THSD7B: variants seen among roughly 807,000 people sequenced by gnomAD.
The protein encoded by THSD7B is thrombospondin type 1 domain containing 7B, also known as thrombospondin type-1 domain-containing protein 7B.
THSD7B carries 138 observed loss-of-function variants against 213.6 expected under a neutral mutation model. That is an observed-to-expected ratio of 0.65 (90% CI 0.56 to 0.74). THSD7B has a LOEUF of 0.74. Ranked by LOEUF, THSD7B falls within the 30% of genes least tolerant of loss-of-function variation. THSD7B has a pLI of 0.00. For missense variants in THSD7B, 1,931 were observed against 1,991.5 expected, an observed-to-expected ratio of 0.97 and a Z score of 0.58; for synonymous variants, 742 against 687.0, an observed-to-expected ratio of 1.08 and a Z score of -1.25.
intron 17 of THSD7B, among the ~76,000 whole-genome samples, chr2:137,598,373 A>T (rs1475459525): frequency 6.6e-6 from 1 of 152,190 alleles, no homozygotes; most frequent in Non-Finnish European, 1.5e-5. Flanking sequence ...AAATTTTAGC[A>T]AGGAAAGTAG....
intron 17 of THSD7B, among the ~76,000 whole-genome samples, chr2:137,578,634 C>A (rs1681511786): frequency 6.6e-6 from 1 of 152,180 alleles, no homozygotes; most frequent in Admixed American, 6.5e-5. Context: ...AAACATACTT[C>A]AACACATTCG....
At chr2:137,523,802 C>T (rs190812415) in intron 15 of THSD7B, among the ~76,000 whole-genome samples, 3 of 152,192 alleles carry the variant, frequency 2.0e-5, no homozygotes, top group East Asian at 1.9e-4. Flanking sequence ...CTTTTTTAAG[C>T]TCTGGGATGG....
At chr2:137,292,953 A>G (rs1683370992) in intron 12 of THSD7B, among the ~76,000 whole-genome samples, 1 of 151,932 alleles carries the variant, frequency 6.6e-6, no homozygotes, top group South Asian at 2.1e-4. Context: ...TTTCTTCTTT[A>G]GTTTGTGGAA....
intron 17 of THSD7B, among the ~76,000 whole-genome samples, chr2:137,574,765 A>T (rs1475754358): frequency 6.6e-6 from 1 of 152,122 alleles, no homozygotes; most frequent in Non-Finnish European, 1.5e-5. Context: ...AGATCTTAGC[A>T]TAATGTCCCG....
rs569790300 is a variant in THSD7B at position 137,444,611 on chromosome 2, A to T, written c.2960-6234A>T. On this transcript the variant is annotated intron_variant, in intron 14 of 27. Coordinates refer to ENST00000409968, the MANE Select transcript of THSD7B (RefSeq NM_001316349.2). Reference sequence around the variant, plus strand: ...ACTAGACCTCTATCCCTCACCATTTACAAAAATCAAATCAATTAAAGACTT... The same window carrying T: ...ACTAGACCTCTATCCCTCACCATTTTCAAAAATCAAATCAATTAAAGACTT... Among the ~76,000 whole-genome samples the T allele has an allele frequency of 8.2e-4, 125 of 152,156 alleles. 1 individual carries two copies. Among genetic ancestry groups the T allele is most frequent in the African/African-American group, 3.0e-3 (124 of 41,556 alleles).
chr2:137,302,311 C>T (rs768753180), intron 12 of THSD7B, among the ~76,000 whole-genome samples: 6 of 152,022 alleles, frequency 3.9e-5, no homozygotes. Context: ...GAGAAGATGC[C>T]AGTGGTGCAT....
At chr2:137,287,927 G>A (rs1683223452) in intron 12 of THSD7B, among the ~76,000 whole-genome samples, 1 of 152,060 alleles carries the variant, frequency 6.6e-6, no homozygotes. Flanking sequence ...TGCAAACTGT[G>A]TAAATGTAAT....
chr2:136,770,087 T>A (rs1373592214), intron 1 of THSD7B, among the ~76,000 whole-genome samples: 1 of 152,352 alleles, frequency 6.6e-6, no homozygotes, highest in South Asian at 2.1e-4. Flanking sequence ...CCTAGTGTTA[T>A]GTTAGCGAAC....
chr2:137,232,812 T>G, intron 8 of THSD7B, 87 bp from the exon 9 acceptor site: 3 of 1,251,140 alleles, frequency 2.4e-6, no homozygotes, highest in Non-Finnish European at 3.4e-6. Context: ...TCAGCAAAGC[T>G]GTCTCTCTAG....
chr2:137,549,957 G>T (rs998869202), intron 15 of THSD7B, among the ~76,000 whole-genome samples: 1 of 151,944 alleles, frequency 6.6e-6, no homozygotes, highest in Non-Finnish European at 1.5e-5. Flanking sequence ...ACTACAATCT[G>T]TTCTATGAAA....
intron 14 of THSD7B, among the ~76,000 whole-genome samples, chr2:137,424,867 C>T (rs548313745): frequency 2.6e-5 from 4 of 151,846 alleles, no homozygotes; most frequent in African/African-American, 4.8e-5. Flanking sequence ...GTCGGCAGAT[C>T]GAGACCATCC....
At chr2:137,628,279 T>C in intron 20 of THSD7B, among the ~76,000 whole-genome samples, 1 of 152,232 alleles carries the variant, frequency 6.6e-6, no homozygotes, top group Admixed American at 6.5e-5. Context: ...CTCCAAATTC[T>C]ACACACTATA....
At chr2:137,237,121 A>G (rs370092931) in intron 9 of THSD7B, among the ~76,000 whole-genome samples, 65 of 151,136 alleles carry the variant, frequency 4.3e-4, no homozygotes, top group African/African-American at 4.4e-4. Context: ...CTCAAAAAAA[A>G]AAAAAAAAAA....
chr2:137,087,975 C>T (rs1687871957), intron 3 of THSD7B, among the ~76,000 whole-genome samples: 1 of 152,138 alleles, frequency 6.6e-6, no homozygotes, highest in African/African-American at 2.4e-5. Flanking sequence ...CATGGTGGCT[C>T]ACGCTTGTAA....
At chr2:137,399,195 CTTT>C (rs1247428282) in intron 12 of THSD7B, among the ~76,000 whole-genome samples, 2 of 98,034 alleles carry the variant, frequency 2.0e-5, no homozygotes, top group Non-Finnish European at 2.2e-5. Flanking sequence ...CTCCCCACCC[CTTT>C]TTTTTTTTTT....
At chr2:137,587,126 A>C (rs1005871853) in intron 17 of THSD7B, among the ~76,000 whole-genome samples, 2 of 152,162 alleles carry the variant, frequency 1.3e-5, no homozygotes, top group Non-Finnish European at 1.5e-5. Flanking sequence ...AGTTGATCGA[A>C]TCGGCTACTG....
At chr2:137,618,342 T>C in intron 18 of THSD7B, 50 bp from the exon 19 acceptor site, 1 of 1,481,670 alleles carries the variant, frequency 6.7e-7, no homozygotes, top group Non-Finnish European at 9.4e-7. Flanking sequence ...TGTATTTTGC[T>C]CACATGGCCA....
At chr2:136,944,027 A>G (rs1264025153) in intron 2 of THSD7B, among the ~76,000 whole-genome samples, 1 of 152,166 alleles carries the variant, frequency 6.6e-6, no homozygotes, top group African/African-American at 2.4e-5. Flanking sequence ...CTAGTGCTAT[A>G]CATTTCCCTC....
Position 137,055,378 on chromosome 2 carries a change from A to G in THSD7B, c.140-1042A>G, listed in dbSNP as rs191321599. Reference sequence around the variant, plus strand: ...AGGAATCACCACACTGTCTTTCACTATGGTTGAACTAATTTACACTCCCAC... The same window carrying G: ...AGGAATCACCACACTGTCTTTCACTGTGGTTGAACTAATTTACACTCCCAC... On this transcript the variant is annotated intron_variant, in intron 2 of 27. Coordinates refer to ENST00000409968, the MANE Select transcript of THSD7B (RefSeq NM_001316349.2). 1.2e-3 allele frequency among the ~76,000 whole-genome samples: 186 copies of G among 152,290 alleles called. 1 individual carries two copies. Among genetic ancestry groups the G allele is most frequent in the African/African-American group, 4.3e-3 (178 of 41,562 alleles).
Sources: allele counts gnomAD v4.1 joint callset (sites outside exome capture counted in the v4.1 genomes callset), GRCh38; gene constraint gnomAD v4.1.1; transcripts MANE v1.5; gene names NCBI Gene and HGNC (gene_info 2026-07-23, HGNC 2026-07-21).